The following LEPR variants were observed in gnomAD, a reference collection of about 807,000 sequenced individuals.
LEPR encodes OB receptor.
In LEPR, 56 loss-of-function variants were observed where a neutral mutation model predicts 114.7. The ratio of observed to expected loss-of-function variants is 0.49; its 90% CI spans 0.39 to 0.61. LEPR has a LOEUF of 0.61. LEPR is among the 20% of genes least tolerant of loss of function. The probability of loss-of-function intolerance (pLI) is 0.00; values close to 1 mark genes in which losing one functional copy is unlikely to be tolerated. For synonymous variants in LEPR, 443 were observed against 461.4 expected (o/e 0.96, Z 0.51); for missense variants, 1,202 against 1,352.9 (o/e 0.89, Z 1.75).
intron 19 of LEPR, among the ~76,000 whole-genome samples, chr1:65,628,149 A>G (rs968362493): frequency 6.6e-6 from 1 of 152,182 alleles, no homozygotes; most frequent in African/African-American, 2.4e-5. Context: ...ATTGCTAACA[A>G]TAGGATAATA....
At chr1:65,476,836 C>G (rs977006933) in intron 2 of LEPR, among the ~76,000 whole-genome samples, 1 of 152,182 alleles carries the variant, frequency 6.6e-6, no homozygotes, top group South Asian at 2.1e-4. Flanking sequence ...CCCAGAACTA[C>G]TAGAATCTTT....
intron 2 of LEPR, among the ~76,000 whole-genome samples, chr1:65,452,452 C>T (rs1409400622): frequency 6.7e-6 from 1 of 150,228 alleles, no homozygotes; most frequent in African/African-American, 2.4e-5. Flanking sequence ...AGATACGTCC[C>T]ATCAATACCT....
chr1:65,556,801 C>G (rs1480774812), intron 2 of LEPR, among the ~76,000 whole-genome samples: 1 of 152,110 alleles, frequency 6.6e-6, no homozygotes, highest in African/African-American at 2.4e-5. Flanking sequence ...CGAGTGGGAT[C>G]TGGGACCTTG....
chr1:65,433,113 ACT>A (rs2100237930), intron 2 of LEPR: 1 of 985,136 alleles, frequency 1.0e-6, no homozygotes, highest in Admixed American at 6.2e-5. Context: ...CAGATAGGTA[ACT>A]CTTTTACATT....
Position 65,574,885 on chromosome 1 carries a change from C to T in LEPR, c.494+2436C>T, listed in dbSNP as rs1276254152. ...ATTTGGCAGTGTGAAAGTAATGGGTCTTTAGGCAGAGCTCATTCGGGGGAG... is the reference window on the plus strand; with the variant it reads ...ATTTGGCAGTGTGAAAGTAATGGGTTTTTAGGCAGAGCTCATTCGGGGGAG... On this transcript the variant is annotated intron_variant, in intron 5 of 19. Transcript: ENST00000349533. 5.3e-5 allele frequency among the ~76,000 whole-genome samples: 8 copies of T among 152,094 alleles called. No homozygotes were observed. The South Asian group carries it at 1.2e-3, about 24-fold the overall frequency.
intron 7 of LEPR, 87 bp from the exon 8 acceptor site, chr1:65,598,573 A>G (rs1475653456): frequency 1.7e-5 from 26 of 1,565,714 alleles, no homozygotes; most frequent in Non-Finnish European, 1.9e-5. Context: ...TAATTCTTTG[A>G]AATTTGATGA....
intron 2 of LEPR, among the ~76,000 whole-genome samples, chr1:65,487,317 C>T (rs1320469407): frequency 6.6e-6 from 1 of 152,054 alleles, no homozygotes; most frequent in Non-Finnish European, 1.5e-5. Flanking sequence ...AAAATAAAAG[C>T]TCGTAAGCTC....
Position 65,488,298 on chromosome 1 carries a change from C to CTCTCTT in LEPR, c.-21+62934_-21+62939dup, listed in dbSNP as rs367728427. Among the ~76,000 whole-genome samples, 1,317 of 143,856 alleles carry CTCTCTT rather than the reference C, an allele frequency of 9.2e-3. 36 individuals carry two copies. The highest frequency in any genetic ancestry group is 0.033 in the African/African-American group (1,222 of 37,294). 94.4% of individuals were successfully genotyped at this position (143,856 alleles called of 152,430 possible). ...TCTTTCTTTCCCTCCCTCTCTCTCT[C>CTCTCTT]TCTCTTTCTCTTTCTCTTTTTTTCT... is the stretch of plus-strand genomic sequence containing the variant. On this transcript the variant is annotated intron_variant, in intron 2 of 19. Transcript: ENST00000349533.
At chr1:65,571,791 CAAAAAAAAAAAAAAA>C (rs34139057) in intron 4 of LEPR, among the ~76,000 whole-genome samples, 1 of 73,692 alleles carries the variant, frequency 1.4e-5, no homozygotes, top group African/African-American at 5.4e-5. Flanking sequence ...CCATCTCTAC[CAAAAAAAAAAAAAAA>C]AAAAAAAAAA....
rs768308728 is a variant in LEPR at position 65,601,931 on chromosome 1, G to A, written c.1374G>A (p.Ala458=). 2.0e-5 allele frequency: 32 copies of A among 1,613,520 alleles called. No homozygotes were observed. Among genetic ancestry groups the A allele is most frequent in the East Asian group, 8.9e-5 (4 of 44,830 alleles). Reference sequence around the variant, plus strand: ...CAACCAGTACAATCCAGTCACTTGCGGAAAGCACTTTGCAATTGAGGTATC... The same window carrying A: ...CAACCAGTACAATCCAGTCACTTGCAGAAAGCACTTTGCAATTGAGGTATC... The part of the protein sequence containing the change: ...RWSTSTIQSL[A]ESTLQLRYHR... The change falls in exon 10 of 20, where the codon GCG becomes GCA. Residue 458 remains alanine (A), a synonymous_variant. Transcript: ENST00000349533.
chr1:65,431,969 T>G, intron 2 of LEPR: 1 of 1,568,250 alleles, frequency 6.4e-7, no homozygotes, highest in Non-Finnish European at 8.6e-7. Context: ...TCATACTATC[T>G]GTATACATGT....
intron 2 of LEPR, among the ~76,000 whole-genome samples, chr1:65,548,245 G>T (rs9728111): frequency 0.62 from 94,013 of 151,652 alleles, 30,063 homozygotes; most frequent in Middle Eastern, 0.74. Flanking sequence ...GTCAATTTTG[G>T]AATAGGTGTG....
chr1:65,629,307 ATCT>A (rs751084868), intron 19 of LEPR: 2 of 437,312 alleles, frequency 4.6e-6, no homozygotes, highest in Non-Finnish European at 9.1e-6. Context: ...CAATCTCTAA[ATCT>A]AAGTTTATGT....
chr1:65,554,929 G>T (rs1217742472), intron 2 of LEPR, among the ~76,000 whole-genome samples: 1 of 152,100 alleles, frequency 6.6e-6, no homozygotes, highest in Admixed American at 6.5e-5. Flanking sequence ...TGTCCCTCAC[G>T]GCACAGTCCT....
chr1:65,604,865 A>G (rs1203591458), intron 10 of LEPR, among the ~76,000 whole-genome samples, 173 bp from the exon 11 acceptor site: 2 of 152,274 alleles, frequency 1.3e-5, no homozygotes, highest in South Asian at 4.1e-4. Context: ...TCATCCCGAA[A>G]TCCTGAACCA....
intron 2 of LEPR, among the ~76,000 whole-genome samples, chr1:65,468,057 C>T (rs1189637439): frequency 6.6e-6 from 1 of 152,176 alleles, no homozygotes; most frequent in Non-Finnish European, 1.5e-5. Flanking sequence ...CACTGTCCAA[C>T]CAGTCCCAAT....
chr1:65,564,571 T>G (rs1200246541), intron 2 of LEPR, among the ~76,000 whole-genome samples: 2 of 91,806 alleles, frequency 2.2e-5, no homozygotes, highest in Non-Finnish European at 4.8e-5. Context: ...CCATCTTGGC[T>G]CCTCCGTGAA....
chr1:65,433,072 G>GCCAGCC (rs1646510170), intron 2 of LEPR: 10 of 985,402 alleles, frequency 1.0e-5, no homozygotes, highest in Non-Finnish European at 1.2e-5. Context: ...CTGGGCTCGA[G>GCCAGCC]CCAGCCCCTG....
chr1:65,637,132 C>A lies in LEPR; in HGVS notation c.*117C>A. ...GAGTCAAATTTGAAAATAATTGTTCCAAATGAATGTTGTCTGTTTGTTCTC... is the reference window on the plus strand; with the variant it reads ...GAGTCAAATTTGAAAATAATTGTTCAAAATGAATGTTGTCTGTTTGTTCTC... On this transcript the variant is annotated 3_prime_UTR_variant, in exon 20 of 20. Transcript: ENST00000349533. 2.5e-6 allele frequency: 3 copies of A among 1,180,892 alleles called. No individual in the cohort carries two copies. Among genetic ancestry groups the A allele is most frequent in the Non-Finnish European group, 3.6e-6 (3 of 844,846 alleles). The allele number at this position is 1,180,892 out of a possible 1,614,324, so 73.2% of individuals were successfully genotyped here. A position where few individuals can be genotyped will look rare whatever the true frequency, so the allele number is the denominator to read the frequency against.
Sources: allele counts gnomAD v4.1 joint callset (sites outside exome capture counted in the v4.1 genomes callset), GRCh38; gene constraint gnomAD v4.1.1; transcripts MANE v1.5; gene names NCBI Gene and HGNC (gene_info 2026-07-23, HGNC 2026-07-21).